The following PAK5 variants were observed in gnomAD, a reference collection of about 807,000 sequenced individuals.
PAK5 encodes serine/threonine-protein kinase PAK 5.
A neutral mutation model predicts 65.9 loss-of-function variants in PAK5; 16 were observed. That is an observed-to-expected ratio of 0.24 (90% CI 0.16 to 0.37). The LOEUF (loss-of-function observed/expected upper bound fraction) is 0.37, where lower values mean the gene tolerates loss of function less well. Ranked by LOEUF, PAK5 falls within the 10% of genes least tolerant of loss-of-function variation. The pLI, the probability that PAK5 is intolerant of heterozygous loss-of-function variation, is 1.00. For missense variants in PAK5, 785 were observed against 903.9 expected (o/e 0.87, Z 1.69); for synonymous variants, 371 against 354.9 (o/e 1.05, Z -0.51).
intron 3 of PAK5, among the ~76,000 whole-genome samples, chr20:9,628,272 C>T (rs190465362): frequency 7.2e-5 from 11 of 152,280 alleles, no homozygotes; most frequent in African/African-American, 2.4e-4. Flanking sequence ...GGTTAAGTAA[C>T]TTGCACTAGG....
Position 9,580,530 on chromosome 20 carries a change from T to A in PAK5, c.605A>T (p.His202Leu), listed in dbSNP as rs1350688953. The A allele has an allele frequency of 2.5e-6, 4 of 1,614,100 alleles. No homozygotes were observed. Among genetic ancestry groups the A allele is most frequent in the Non-Finnish European group, 3.4e-6 (4 of 1,180,004 alleles). ...FARFSADYHS[H>L]LDSLSKPSEY... ...ACTTGGTTTGCTCAGTGAGTCCAAA[T>A]GTGAGTGATAATCGGCAGAAAATCT... The change falls in exon 4 of 10, where the codon CAT (histidine) becomes CTT (leucine). Residue 202 changes from histidine to leucine, a missense_variant. Coordinates refer to ENST00000353224, the MANE Select transcript of PAK5 (RefSeq NM_177990.4).
chr20:9,575,163 A>G (rs2045864326), intron 4 of PAK5, among the ~76,000 whole-genome samples: 1 of 151,908 alleles, frequency 6.6e-6, no homozygotes, highest in Admixed American at 6.5e-5. Flanking sequence ...AAGTGCCGGG[A>G]AATCACACCA....
intron 3 of PAK5, among the ~76,000 whole-genome samples, chr20:9,602,307 T>A (rs1028929288): frequency 7.2e-6 from 1 of 139,212 alleles, no homozygotes; most frequent in East Asian, 2.0e-4. Context: ...AATAAATAAA[T>A]AAATAAATAA....
chr20:9,698,441 T>C (rs1215721494), intron 2 of PAK5, among the ~76,000 whole-genome samples: 1 of 152,166 alleles, frequency 6.6e-6, no homozygotes, highest in Non-Finnish European at 1.5e-5. Context: ...ATCTTTAACT[T>C]CTTTCCCATA....
At chr20:9,565,654 G>A (rs771437618) in intron 5 of PAK5, among the ~76,000 whole-genome samples, 1 of 152,168 alleles carries the variant, frequency 6.6e-6, no homozygotes, top group Non-Finnish European at 1.5e-5. Context: ...GAGTTGTTGT[G>A]AGGATCAAGC....
chr20:9,766,559 A>T (rs2048771178), intron 1 of PAK5, among the ~76,000 whole-genome samples: 1 of 143,862 alleles, frequency 7.0e-6, no homozygotes, highest in Non-Finnish European at 1.5e-5. Context: ...ATTTTCAAGC[A>T]GAATGGACAA....
intron 1 of PAK5, among the ~76,000 whole-genome samples, chr20:9,753,294 C>A (rs192994590): frequency 3.4e-4 from 51 of 152,186 alleles, no homozygotes; most frequent in African/African-American, 1.1e-3. Flanking sequence ...TATAAAAGTG[C>A]AATACCCTAC....
chr20:9,708,912 C>G (rs1322585400), intron 2 of PAK5, among the ~76,000 whole-genome samples: 1 of 129,406 alleles, frequency 7.7e-6, no homozygotes, highest in Non-Finnish European at 1.6e-5. Context: ...CAATAAGGCA[C>G]CTTTTCTGTC....
At chr20:9,767,005 C>G (rs1027362357) in intron 1 of PAK5, among the ~76,000 whole-genome samples, 10 of 151,976 alleles carry the variant, frequency 6.6e-5, no homozygotes, top group African/African-American at 1.7e-4. Context: ...GATGCTGATG[C>G]CTGACCATGG....
At chr20:9,628,623 G>GT (rs1288408264) in intron 3 of PAK5, among the ~76,000 whole-genome samples, 1 of 152,140 alleles carries the variant, frequency 6.6e-6, no homozygotes, top group Admixed American at 6.5e-5. Context: ...AAATACTGTT[G>GT]TTTTTTCTCT....
At chr20:9,711,959 CTTTGT>C (rs1353989581) in intron 1 of PAK5, among the ~76,000 whole-genome samples, 1 of 152,160 alleles carries the variant, frequency 6.6e-6, no homozygotes, top group Non-Finnish European at 1.5e-5. Flanking sequence ...CAATACATAA[CTTTGT>C]TTTATGTGTG....
At chr20:9,664,514 T>C (rs1355377444) in intron 2 of PAK5, among the ~76,000 whole-genome samples, 1 of 152,172 alleles carries the variant, frequency 6.6e-6, no homozygotes, top group Non-Finnish European at 1.5e-5. Context: ...ATCTATACTA[T>C]ATTTATCTAC....
At chr20:9,793,630 T>A (rs2049073521) in intron 1 of PAK5, among the ~76,000 whole-genome samples, 1 of 152,096 alleles carries the variant, frequency 6.6e-6, no homozygotes, top group South Asian at 2.1e-4. Flanking sequence ...CATAATAAGA[T>A]GCCATCTCAT....
chr20:9,827,115 A>T (rs1317915968), intron 1 of PAK5, among the ~76,000 whole-genome samples: 5 of 152,194 alleles, frequency 3.3e-5, no homozygotes, highest in Admixed American at 3.3e-4. Context: ...TTTTATTCAC[A>T]GAAAATAGAA....
At chr20:9,607,269 G>C (rs2123131072) in intron 3 of PAK5, among the ~76,000 whole-genome samples, 1 of 152,314 alleles carries the variant, frequency 6.6e-6, no homozygotes. Context: ...CTGACTATGA[G>C]AAAGTGTCAG....
chr20:9,583,554 T>C (rs965759539), intron 3 of PAK5, among the ~76,000 whole-genome samples: 1 of 152,240 alleles, frequency 6.6e-6, no homozygotes, highest in Non-Finnish European at 1.5e-5. Flanking sequence ...GTTATAAATG[T>C]ATAGCTGTTG....
At chr20:9,661,015 G>A (rs1232182488) in intron 2 of PAK5, among the ~76,000 whole-genome samples, 1 of 152,128 alleles carries the variant, frequency 6.6e-6, no homozygotes, top group Non-Finnish European at 1.5e-5. Flanking sequence ...GGTGCAGGGA[G>A]ACTCAGCCAT....
chr20:9,698,642 A>G (rs2047900315), intron 2 of PAK5, among the ~76,000 whole-genome samples: 1 of 152,170 alleles, frequency 6.6e-6, no homozygotes, highest in African/African-American at 2.4e-5. Flanking sequence ...GCTTTGTTTC[A>G]TACCAAACTT....
At chr20:9,639,667 A>T (rs1208986720) in intron 3 of PAK5, among the ~76,000 whole-genome samples, 1 of 152,200 alleles carries the variant, frequency 6.6e-6, no homozygotes, top group East Asian at 1.9e-4. Context: ...TAGTCTTTTC[A>T]TTTCATATGG....
Sources: allele counts gnomAD v4.1 joint callset (sites outside exome capture counted in the v4.1 genomes callset), GRCh38; gene constraint gnomAD v4.1.1; transcripts MANE v1.5; gene names NCBI Gene and HGNC (gene_info 2026-07-23, HGNC 2026-07-21).